TMEM267: variants seen among roughly 807,000 people sequenced by gnomAD.
TMEM267 encodes transmembrane protein 267, also known as transmembrane protein C5orf28.
In TMEM267, 20 loss-of-function variants were observed where a neutral mutation model predicts 19.3. The observed-to-expected ratio is 1.04, with a 90% CI of 0.73 to 1.51. TMEM267 has a LOEUF of 1.51. Ranked by LOEUF, TMEM267 falls within the 40% of genes most tolerant of loss-of-function variation. The pLI is 0.00. For synonymous variants in TMEM267, 88 were observed against 90.3 expected (o/e 0.97, Z 0.15); for missense variants, 242 against 261.9 (o/e 0.92, Z 0.52).
At chr5:43,478,744 A>C (rs1468057009) in intron 1 of TMEM267, among the ~76,000 whole-genome samples, 1 of 152,170 alleles carries the variant, frequency 6.6e-6, no homozygotes, top group Non-Finnish European at 1.5e-5. Flanking sequence ...TTGGAAAAGA[A>C]ATACAAAGTG....
chr5:43,449,178 A>T (rs755543645), intron 2 of TMEM267, among the ~76,000 whole-genome samples: 1 of 152,082 alleles, frequency 6.6e-6, no homozygotes, highest in Non-Finnish European at 1.5e-5. Flanking sequence ...AGGCTGAGGC[A>T]TGAGAATCCC....
At chr5:43,473,344 T>C (rs1744203842) in intron 1 of TMEM267, among the ~76,000 whole-genome samples, 1 of 152,120 alleles carries the variant, frequency 6.6e-6, no homozygotes, top group Admixed American at 6.5e-5. Flanking sequence ...CATGATTGTA[T>C]AATTAGAAAA....
chr5:43,475,536 T>C (rs1369150863), intron 1 of TMEM267, among the ~76,000 whole-genome samples: 2 of 151,914 alleles, frequency 1.3e-5, no homozygotes, highest in East Asian at 3.9e-4. Context: ...TAAAAAAAAG[T>C]CAGAAACAGT....
intron 1 of TMEM267, among the ~76,000 whole-genome samples, chr5:43,463,557 C>T (rs570569326): frequency 6.6e-6 from 1 of 152,092 alleles, no homozygotes; most frequent in Admixed American, 6.5e-5. Context: ...ACTGGCAAAC[C>T]GAATCCAGCA....
At chr5:43,449,278 GA>G (rs1436829106) in intron 2 of TMEM267, among the ~76,000 whole-genome samples, 1 of 151,196 alleles carries the variant, frequency 6.6e-6, no homozygotes, top group Non-Finnish European at 1.5e-5. Flanking sequence ...TCTCAAGAAA[GA>G]AAAGAAAAAA....
chr5:43,472,580 T>C (rs1351144101), intron 1 of TMEM267, among the ~76,000 whole-genome samples: 5 of 152,156 alleles, frequency 3.3e-5, no homozygotes, highest in African/African-American at 4.8e-5. Context: ...GAAAATATGG[T>C]GCATATTCAC....
rs1287991256 is a variant in TMEM267 at position 43,446,619 on chromosome 5, G to C, written c.313-62C>G. 6 of 1,005,930 alleles carry C rather than the reference G, an allele frequency of 6.0e-6. No individual in the cohort carries two copies. The Admixed American group carries it at 1.3e-4, about 22-fold the overall frequency. The allele number at this position is 1,005,930 out of a possible 1,614,324, so 62.3% of individuals were successfully genotyped here. A position where few individuals can be genotyped will look rare whatever the true frequency, so the allele number is the denominator to read the frequency against. On this transcript the variant is annotated intron_variant, in intron 2 of 2. Coordinates refer to ENST00000397080, the MANE Select transcript of TMEM267 (RefSeq NM_022483.5). ...TCTAGCAAAACAAAATTTTATACAT[G>C]CTTCTTAATATTTTAAAATATTTTC...
chr5:43,470,986 G>A (rs1297222238), intron 1 of TMEM267, among the ~76,000 whole-genome samples: 1 of 151,774 alleles, frequency 6.6e-6, no homozygotes, highest in Non-Finnish European at 1.5e-5. Flanking sequence ...AAAGATCAAT[G>A]AAACACAAGG....
intron 1 of TMEM267, 23 bp from the exon 2 acceptor site, chr5:43,454,066 A>C: frequency 6.9e-7 from 1 of 1,458,130 alleles, no homozygotes; most frequent in Non-Finnish European, 9.1e-7. Context: ...GTAGAGAAAA[A>C]TATGAATGAA....
chr5:43,447,250 C>T (rs995135765), intron 2 of TMEM267, among the ~76,000 whole-genome samples: 1 of 151,852 alleles, frequency 6.6e-6, no homozygotes, highest in African/African-American at 2.4e-5. Context: ...CCACCATGCC[C>T]GGCTAATTTT....
At chr5:43,458,619 C>T (rs915876354) in intron 1 of TMEM267, among the ~76,000 whole-genome samples, 2 of 152,096 alleles carry the variant, frequency 1.3e-5, no homozygotes, top group African/African-American at 4.8e-5. Context: ...CAGTTTCATA[C>T]ATATGTCAAA....
At chr5:43,453,294 G>A (rs1742723192) in intron 2 of TMEM267, among the ~76,000 whole-genome samples, 1 of 152,196 alleles carries the variant, frequency 6.6e-6, no homozygotes, top group Non-Finnish European at 1.5e-5. Flanking sequence ...CCTGAAGAAA[G>A]TACACTGATA....
intron 1 of TMEM267, chr5:43,479,974 C>T: frequency 5.1e-6 from 2 of 393,398 alleles, no homozygotes; most frequent in South Asian, 1.9e-5. Flanking sequence ...CTTTAGAAAA[C>T]AAACATTCAA....
chr5:43,448,577 G>C (rs1423835493), intron 2 of TMEM267, among the ~76,000 whole-genome samples: 1 of 152,134 alleles, frequency 6.6e-6, no homozygotes, highest in African/African-American at 2.4e-5. Context: ...AGGAGCTCGA[G>C]ACCAGCCTGA....
chr5:43,458,410 T>C (rs1399725894), intron 1 of TMEM267, among the ~76,000 whole-genome samples: 1 of 152,180 alleles, frequency 6.6e-6, no homozygotes, highest in African/African-American at 2.4e-5. Flanking sequence ...CCTAGAAATA[T>C]GTTTTTAAAA....
At chr5:43,449,490 C>A (rs936825577) in intron 2 of TMEM267, among the ~76,000 whole-genome samples, 41 of 152,072 alleles carry the variant, frequency 2.7e-4, no homozygotes, top group African/African-American at 8.0e-4. Flanking sequence ...AAATGCAAAT[C>A]TATTAAAAGA....
chr5:43,451,300 TA>T (rs1430568038), intron 2 of TMEM267, among the ~76,000 whole-genome samples: 1 of 151,960 alleles, frequency 6.6e-6, no homozygotes, highest in Non-Finnish European at 1.5e-5. Flanking sequence ...GCAAAGGAAA[TA>T]ATCAATAGAG....
chr5:43,470,472 G>A lies in TMEM267; in HGVS notation c.-75+13350C>T, dbSNP rs4640799. Among the ~76,000 whole-genome samples the A allele has an allele frequency of 4.8e-3, 731 of 152,286 alleles. 9 individuals carry two copies. The highest frequency in any genetic ancestry group is 0.017 in the African/African-American group (696 of 41,554). On this transcript the variant is annotated intron_variant, in intron 1 of 2. Coordinates refer to ENST00000397080, the MANE Select transcript of TMEM267 (RefSeq NM_022483.5). ...ATACATCTTACACATACTGATTGAT[G>A]TCTCATGACTCCCAAAATGTATAAA...
At chr5:43,479,724 G>A (rs149186511) in intron 1 of TMEM267, among the ~76,000 whole-genome samples, 3 of 152,144 alleles carry the variant, frequency 2.0e-5, no homozygotes, top group Admixed American at 6.5e-5. Context: ...AATGATAATG[G>A]AGTCTACAAC....
Sources: gnomAD v4.1 joint callset for allele counts (sites outside exome capture counted in the v4.1 genomes callset) on GRCh38, gnomAD v4.1.1 for gene constraint, MANE v1.5 for transcripts, NCBI Gene and HGNC (gene_info 2026-07-23, HGNC 2026-07-21) for gene names.